ARHGAP29: variants seen among roughly 807,000 people sequenced by gnomAD.
ARHGAP29 encodes the protein rho GTPase-activating protein 29.
A neutral mutation model predicts 122.6 loss-of-function variants in ARHGAP29; 43 were observed. The observed-to-expected ratio is 0.35, with a 90% CI of 0.27 to 0.45. ARHGAP29 has a LOEUF of 0.45. Ranked by LOEUF, ARHGAP29 falls within the 20% of genes least tolerant of loss-of-function variation. The pLI is 1.00. For missense variants in ARHGAP29, 1,303 were observed against 1,477.2 expected (o/e 0.88, Z 1.93); for synonymous variants, 506 against 497.1 (o/e 1.02, Z -0.24).
At chr1:94,203,805 G>A in intron 8 of ARHGAP29, 125 bp downstream of exon 8, 1 of 727,410 alleles carries the variant, frequency 1.4e-6, no homozygotes, top group Non-Finnish European at 2.2e-6. Flanking sequence ...AAATAATTTT[G>A]TCAATAAAAA....
chr1:94,261,794 A>G (rs987948048), intron 1 of ARHGAP29, among the ~76,000 whole-genome samples: 1 of 152,242 alleles, frequency 6.6e-6, no homozygotes, highest in Admixed American at 6.5e-5. Context: ...GCTCATGGAT[A>G]AGAAGAATCA....
chr1:94,235,274 G>C (rs1232946259), intron 1 of ARHGAP29, among the ~76,000 whole-genome samples: 2 of 152,136 alleles, frequency 1.3e-5, no homozygotes, highest in Non-Finnish European at 2.9e-5. Flanking sequence ...ATAATGAGAA[G>C]CTGGAACAAT....
upstream of ARHGAP29, among the ~76,000 whole-genome samples, chr1:94,240,234 T>C (rs1045245178): frequency 2.0e-5 from 3 of 152,188 alleles, no homozygotes; most frequent in Non-Finnish European, 2.9e-5. Flanking sequence ...CTTAGAAGGT[T>C]AAATAAACTA....
chr1:94,259,531 G>T (rs1357508493), intron 1 of ARHGAP29, among the ~76,000 whole-genome samples: 1 of 152,154 alleles, frequency 6.6e-6, no homozygotes, highest in African/African-American at 2.4e-5. Context: ...AGTGACTGTT[G>T]TCCGTACAAG....
chr1:94,197,675 T>C (rs1650559464), intron 12 of ARHGAP29, among the ~76,000 whole-genome samples: 1 of 152,176 alleles, frequency 6.6e-6, no homozygotes, highest in South Asian at 2.1e-4. Flanking sequence ...AAGAGGGGCT[T>C]ATTCCAGGGA....
Position 94,205,055 on chromosome 1 carries a change from A to G in ARHGAP29, c.697+6T>C, listed in dbSNP as rs1316363661. ...TCTAAATCAGATGCTTTAAAAGGCA[A>G]CTCACCCAAGTTAAGCTTTTTTTCA... On this transcript the variant is annotated splice_donor_region_variant and intron_variant, in intron 7 of 22. Transcript: ENST00000260526. 1 of 1,555,054 alleles carries G rather than the reference A, an allele frequency of 6.4e-7. No individual in the cohort carries two copies. The highest frequency in any genetic ancestry group is 1.2e-5 in the South Asian group (1 of 80,444).
intron 3 of ARHGAP29, among the ~76,000 whole-genome samples, chr1:94,210,629 G>T (rs370176814): frequency 6.6e-6 from 1 of 152,144 alleles, no homozygotes; most frequent in Non-Finnish European, 1.5e-5. Context: ...TTACCATTGC[G>T]AATATGGTTC....
upstream of ARHGAP29, among the ~76,000 whole-genome samples, chr1:94,275,767 A>T (rs1480894343): frequency 6.6e-6 from 1 of 152,156 alleles, no homozygotes; most frequent in Non-Finnish European, 1.5e-5. Flanking sequence ...AGTGTGTTAG[A>T]ACAAAGAAGA....
intron 1 of ARHGAP29, among the ~76,000 whole-genome samples, chr1:94,243,421 T>G (rs1653680544): frequency 6.6e-6 from 1 of 152,040 alleles, no homozygotes; most frequent in Non-Finnish European, 1.5e-5. Flanking sequence ...CAAATATTTG[T>G]AAATTATAAA....
the ARHGAP29 span, chr1:94,302,662 A>G: frequency 6.6e-6 from 3 of 453,014 alleles, no homozygotes; most frequent in African/African-American, 2.0e-5. Flanking sequence ...GGTGCTGCCA[A>G]GGCTGTGGGC....
intron 3 of ARHGAP29, among the ~76,000 whole-genome samples, chr1:94,217,725 T>G (rs1165513204): frequency 3.9e-5 from 6 of 152,060 alleles, no homozygotes; most frequent in Non-Finnish European, 8.8e-5. Flanking sequence ...AGCTCACATC[T>G]GTAGCCCCAG....
At chr1:94,208,372 A>C (rs1310660109) in intron 5 of ARHGAP29, among the ~76,000 whole-genome samples, 1 of 152,222 alleles carries the variant, frequency 6.6e-6, no homozygotes, top group Non-Finnish European at 1.5e-5. Context: ...CATTCAGCAA[A>C]AAAGTTTAGT....
chr1:94,174,865 A>C, intron 22 of ARHGAP29, 116 bp from the exon 23 acceptor site: 2 of 1,184,054 alleles, frequency 1.7e-6, no homozygotes, highest in Non-Finnish European at 1.2e-6. Flanking sequence ...TTTTTCCAAA[A>C]TAATATTCTC....
chr1:94,285,028 T>C, the ARHGAP29 span, among the ~76,000 whole-genome samples: 2 of 152,250 alleles, frequency 1.3e-5, no homozygotes, highest in Admixed American at 1.3e-4. Flanking sequence ...TTTTGTCAAC[T>C]GTACTTATTT....
chr1:94,302,219 A>C, the ARHGAP29 span: 1 of 260,364 alleles, frequency 3.8e-6, no homozygotes, highest in Non-Finnish European at 7.6e-6. Flanking sequence ...TGCACCATCA[A>C]GGCTGAAAAT....
chr1:94,224,418 C>T lies in ARHGAP29; in HGVS notation c.206-4026G>A, dbSNP rs1197647047. ...AAGAGCTTGATTTTCAGAATGCCAACGACAACCATCAACATTCAAAATTAG... is the reference window on the plus strand; with the variant it reads ...AAGAGCTTGATTTTCAGAATGCCAATGACAACCATCAACATTCAAAATTAG... On this transcript the variant is annotated intron_variant, in intron 2 of 22. Coordinates refer to ENST00000260526, the MANE Select transcript of ARHGAP29 (RefSeq NM_004815.4). Among the ~76,000 whole-genome samples, 8 of 152,264 alleles carry T rather than the reference C, an allele frequency of 5.3e-5. No homozygotes were observed. The South Asian group carries it at 1.2e-3, about 24-fold the overall frequency.
chr1:94,220,371 T>C lies in ARHGAP29; in HGVS notation c.227A>G (p.His76Arg). ...IFSDCFKEVI[H>R]IRLEELLRVL... ...ACGGAGCAGTTCCTCTAGACGTATATGAATAACTTCTTTAAAACAGTCTTT... is the reference window on the plus strand; with the variant it reads ...ACGGAGCAGTTCCTCTAGACGTATACGAATAACTTCTTTAAAACAGTCTTT... The change falls in exon 3 of 23, where the codon CAT (histidine) becomes CGT (arginine). Residue 76 changes from histidine to arginine, a missense_variant. Coordinates refer to ENST00000260526, the MANE Select transcript of ARHGAP29 (RefSeq NM_004815.4). 1 of 1,603,130 alleles carries C rather than the reference T, an allele frequency of 6.2e-7. No individual in the cohort carries two copies. The highest frequency in any genetic ancestry group is 8.5e-7 in the Non-Finnish European group (1 of 1,173,798).
chr1:94,186,704 C>T (rs1464106488), intron 15 of ARHGAP29, 107 bp from the exon 16 acceptor site: 2 of 833,000 alleles, frequency 2.4e-6, no homozygotes, highest in African/African-American at 1.7e-5. Flanking sequence ...TTATTAGCTT[C>T]AATGTAAAAA....
chr1:94,294,268 A>G, the ARHGAP29 span, among the ~76,000 whole-genome samples: 1 of 150,748 alleles, frequency 6.6e-6, no homozygotes, highest in Non-Finnish European at 1.5e-5. Context: ...ATACATGTGC[A>G]CACACACACA....
Sources: gnomAD v4.1 joint callset for allele counts (sites outside exome capture counted in the v4.1 genomes callset) on GRCh38, gnomAD v4.1.1 for gene constraint, MANE v1.5 for transcripts, NCBI Gene and HGNC (gene_info 2026-07-23, HGNC 2026-07-21) for gene names.